C6orf132: variants seen among roughly 807,000 people sequenced by gnomAD.
C6orf132 encodes the protein uncharacterized protein C6orf132.
C6orf132 carries 43 observed loss-of-function variants against 65.3 expected under a neutral mutation model. That is an observed-to-expected ratio of 0.66 (90% CI 0.52 to 0.85). The LOEUF is 0.85. C6orf132 is among the 40% of genes least tolerant of loss of function. C6orf132 has a pLI of 0.00. For missense variants in C6orf132, 1,488 were observed against 1,548.8 expected (o/e 0.96, Z 0.66); for synonymous variants, 631 against 654.1 (o/e 0.96, Z 0.54).
chr6:42,119,341 CT>C (rs36124736), intron 2 of C6orf132, among the ~76,000 whole-genome samples: 98 of 78,212 alleles, frequency 1.3e-3, no homozygotes, highest in South Asian at 6.0e-3. Context: ...AGCTTTCCAG[CT>C]TTTTTTTTTT....
rs1028494400 is a variant in C6orf132 at position 42,124,483 on chromosome 6, C to CA, written c.252+4188dup. On this transcript the variant is annotated intron_variant, in intron 2 of 4. Coordinates refer to ENST00000341865, the MANE Select transcript of C6orf132 (RefSeq NM_001164446.3). The surrounding 1 kb of genome is among the most constrained non-coding windows in gnomAD (Gnocchi z 4.0). The stretch of plus-strand genomic sequence containing the variant: ...GCTCACAGGCCCTCGAGGGGCCTGT[C>CA]ACCTGACTTCTTGGGCACTGCTACC... 1.3e-5 allele frequency among the ~76,000 whole-genome samples: 2 copies of CA among 152,202 alleles called. No homozygotes were observed. The highest frequency in any genetic ancestry group is 2.9e-5 in the Non-Finnish European group (2 of 68,042).
In C6orf132 at chr6:42,142,570, G is replaced by C; in HGVS notation, c.-126C>G. The stretch of plus-strand genomic sequence containing the variant: ...GGCCATGTCCCCCGCCGTCCTCCCC[G>C]CCCGCGCACCGGGCAACAGGTGCTG... On this transcript the variant is annotated 5_prime_UTR_variant, in exon 1 of 5. Coordinates refer to ENST00000341865, the MANE Select transcript of C6orf132 (RefSeq NM_001164446.3). 1 of 610,364 alleles carries C rather than the reference G, an allele frequency of 1.6e-6. No homozygotes were observed. The allele number at this position is 610,364 out of a possible 1,614,324, so 37.8% of individuals were successfully genotyped here.
rs189140214 is a variant in C6orf132 at position 42,128,697 on chromosome 6, C to G, written c.227G>C (p.Arg76Pro). Reference sequence around the variant, plus strand: ...CAGCGGAAGGAAGGTCAGCAGGGGCCGGACTCTTGGCCGAGCTTTCAGCGT... The same window carrying G: ...CAGCGGAAGGAAGGTCAGCAGGGGCGGGACTCTTGGCCGAGCTTTCAGCGT... ...TATLKARPRV[R>P]PLLTFLPLNA... Residue 76 changes from arginine (R) to proline (P), a missense_variant, in exon 2 of 5, where the codon CGG (arginine) becomes CCG (proline). Arg to Pro is a moderately radical substitution (Grantham distance 103). Coordinates refer to ENST00000341865, the MANE Select transcript of C6orf132 (RefSeq NM_001164446.3). 1.3e-6 allele frequency: 2 copies of G among 1,551,436 alleles called. No individual in the cohort carries two copies. Among genetic ancestry groups the G allele is most frequent in the Middle Eastern group, 3.4e-4 (2 of 5,886 alleles).
At chr6:42,117,457 A>ACTCTATGT (rs1318377410) in intron 2 of C6orf132, among the ~76,000 whole-genome samples, 5 of 151,406 alleles carry the variant, frequency 3.3e-5, no homozygotes, top group African/African-American at 1.2e-4. Context: ...CTCTAACACA[A>ACTCTATGT]CTCTATGTCT....
rs751452090 is a variant in C6orf132 at position 42,106,231 on chromosome 6, G to C, written c.1681C>G (p.Pro561Ala). The C allele has an allele frequency of 6.5e-7, 1 of 1,537,244 alleles. No homozygotes were observed. The highest frequency in any genetic ancestry group is 1.2e-5 in the South Asian group (1 of 84,068). The change falls in exon 4 of 5, where the codon CCC becomes GCC. Residue 561 changes from proline to alanine, a missense_variant. By Grantham distance (27) the Pro-to-Ala change is conservative. Coordinates refer to ENST00000341865, the MANE Select transcript of C6orf132 (RefSeq NM_001164446.3). ...TCATTCCGGATCTGCCGCACACTGG[G>C]AGTTGGAGAGTCTTGGGGAATGTAG... ...VDYIPQDSPT[P>A]SVRQIRNELE...
chr6:42,116,083 C>T (rs1766566462), intron 2 of C6orf132, among the ~76,000 whole-genome samples: 1 of 151,640 alleles, frequency 6.6e-6, no homozygotes, highest in Non-Finnish European at 1.5e-5. Context: ...GGACCTGCCA[C>T]CACACCCGGC....
chr6:42,116,081 C>T (rs1766566420), intron 2 of C6orf132, among the ~76,000 whole-genome samples: 1 of 151,652 alleles, frequency 6.6e-6, no homozygotes, highest in Non-Finnish European at 1.5e-5. Context: ...AGGGACCTGC[C>T]ACCACACCCG....
intron 2 of C6orf132, among the ~76,000 whole-genome samples, chr6:42,123,332 G>A (rs936615500): frequency 3.3e-5 from 5 of 151,260 alleles, no homozygotes; most frequent in African/African-American, 1.2e-4. Flanking sequence ...GCAGTGAGCC[G>A]AGATCGCACC....
intron 3 of C6orf132, among the ~76,000 whole-genome samples, chr6:42,107,897 G>T (rs1562034192): frequency 6.6e-6 from 1 of 152,114 alleles, no homozygotes; most frequent in Non-Finnish European, 1.5e-5. Context: ...CTGAGATGGG[G>T]GGTGGGGACA....
chr6:42,128,089 ATT>A (rs36071882), intron 2 of C6orf132, among the ~76,000 whole-genome samples: 1 of 145,630 alleles, frequency 6.9e-6, no homozygotes. Flanking sequence ...TACACCGGCT[ATT>A]TTTTTTTTTT....
At chr6:42,121,617 G>A (rs1290421570) in intron 2 of C6orf132, among the ~76,000 whole-genome samples, 1 of 152,236 alleles carries the variant, frequency 6.6e-6, no homozygotes, top group African/African-American at 2.4e-5. Flanking sequence ...GGTCACCAGG[G>A]GCTGGGCCAG....
At chr6:42,108,289 G>GCCTT (rs1766445244) in intron 3 of C6orf132, among the ~76,000 whole-genome samples, 2 of 152,216 alleles carry the variant, frequency 1.3e-5, no homozygotes, top group Admixed American at 1.3e-4. Flanking sequence ...CATGATGTCA[G>GCCTT]TGCTCGCTTC....
At chr6:42,129,447 C>T (rs567191500) in intron 1 of C6orf132, among the ~76,000 whole-genome samples, 1 of 152,194 alleles carries the variant, frequency 6.6e-6, no homozygotes, top group Non-Finnish European at 1.5e-5. Flanking sequence ...TTTTCCCATC[C>T]GTACAGTGGG....
In C6orf132 at chr6:42,101,922, G is replaced by C. The variant is rs1368529422; in HGVS notation, c.*1839C>G. The C allele has an allele frequency of 6.6e-6, 1 of 152,128 alleles. No individual in the cohort carries two copies. The highest frequency in any genetic ancestry group is 1.5e-5 in the Non-Finnish European group (1 of 68,052). The allele number at this position is 152,128 out of a possible 1,614,324, so 9.4% of individuals were successfully genotyped here. ...AGGTCCAACATCTTCCCCCCAAAGG[G>C]AACTACTTTCTGGCTGGCCCCCACC... is the stretch of plus-strand genomic sequence containing the variant. On this transcript the variant is annotated 3_prime_UTR_variant, in exon 5 of 5. Coordinates refer to ENST00000341865, the MANE Select transcript of C6orf132 (RefSeq NM_001164446.3).
At chr6:42,136,730 T>C (rs1281858827) in intron 1 of C6orf132, among the ~76,000 whole-genome samples, 1 of 152,120 alleles carries the variant, frequency 6.6e-6, no homozygotes, top group South Asian at 2.1e-4. Context: ...GGCCAGTCTT[T>C]CCCAGCAAGT....
At position 42,126,799 on chromosome 6, in the gene C6orf132, C is replaced by T. The variant is rs534975984; in HGVS notation, c.252+1873G>A. 425 of 414,454 alleles carry T rather than the reference C, an allele frequency of 1.0e-3. 2 individuals carry two copies. Among genetic ancestry groups the T allele is most frequent in the South Asian group, 3.3e-3 (53 of 16,132 alleles). 25.7% of individuals were successfully genotyped at this position (414,454 alleles called of 1,614,324 possible). The stretch of plus-strand genomic sequence containing the variant: ...TGGAGGTTGCAGGGAGCCGAGATCA[C>T]GCCATTGTACCACTCCAGCCTGGGC... On this transcript the variant is annotated intron_variant, in intron 2 of 4. Coordinates refer to ENST00000341865, the MANE Select transcript of C6orf132 (RefSeq NM_001164446.3).
At chr6:42,137,888 A>G (rs1766970775) in intron 1 of C6orf132, among the ~76,000 whole-genome samples, 1 of 151,990 alleles carries the variant, frequency 6.6e-6, no homozygotes, top group Admixed American at 6.6e-5. Context: ...CATCCTGGCC[A>G]ACATGGTGAA....
chr6:42,105,681 G>A lies in C6orf132; in HGVS notation c.2231C>T (p.Pro744Leu), dbSNP rs745479779. 1.3e-6 allele frequency: 2 copies of A among 1,537,292 alleles called. No homozygotes were observed. The highest frequency in any genetic ancestry group is 1.7e-4 in the Middle Eastern group (1 of 5,990). Residue 744 changes from proline (P) to leucine (L), a missense_variant, in exon 4 of 5, where the codon CCC becomes CTC. Physicochemically the swap from Pro to Leu is moderately conservative, Grantham distance 98. Coordinates refer to ENST00000341865, the MANE Select transcript of C6orf132 (RefSeq NM_001164446.3). ...TGCAGATGAGCGGGCTCCCTGTGTG[G>A]GCAGCCTAGTGGCCTCTGAGGGGGA... is the stretch of plus-strand genomic sequence containing the variant. The part of the protein sequence containing the change: ...EGSPSEATRL[P>L]TQGARSSAAF...
intron 2 of C6orf132, among the ~76,000 whole-genome samples, chr6:42,112,412 C>T (rs565750888): frequency 6.6e-6 from 1 of 152,216 alleles, no homozygotes; most frequent in Non-Finnish European, 1.5e-5. Flanking sequence ...GGCTTTCCAG[C>T]CTGTCTGGAT....
Sources: gnomAD v4.1 joint callset for allele counts (sites outside exome capture counted in the v4.1 genomes callset) on GRCh38, gnomAD v4.1.1 for gene constraint, Gnocchi (gnomAD v3.1) non-coding constraint, MANE v1.5 for transcripts, NCBI Gene and HGNC (gene_info 2026-07-23, HGNC 2026-07-21) for gene names.